CC2D2B: variants seen among roughly 807,000 people sequenced by gnomAD.
CC2D2B encodes coiled-coil and C2 domain containing 2B, also known as protein CC2D2B.
In CC2D2B, 128 loss-of-function variants were observed where a neutral mutation model predicts 161.2. The ratio of observed to expected loss-of-function variants is 0.79; its 90% CI spans 0.69 to 0.92. The LOEUF is 0.92. CC2D2B is among the 40% of genes least tolerant of loss of function. The pLI is 0.00. For missense variants in CC2D2B, 1,173 were observed against 1,375.1 expected, an observed-to-expected ratio of 0.85 and a Z score of 2.32; for synonymous variants, 391 against 449.8, an observed-to-expected ratio of 0.87 and a Z score of 1.65.
In CC2D2B at chr10:96,032,073, GTAC is replaced by G; in HGVS notation, c.*66_*68del. ...TCTAGTACCAACAAAAACTTTTCTG[GTAC>G]CTTGAGATTTTGCTGTTTATTCTCA... On this transcript the variant is annotated 3_prime_UTR_variant, in exon 35 of 35. Coordinates refer to ENST00000646931, the MANE Select transcript of CC2D2B (RefSeq NM_001349008.3). The G allele has an allele frequency of 7.9e-7, 1 of 1,265,234 alleles. No individual in the cohort carries two copies. Among genetic ancestry groups the G allele is most frequent in the Middle Eastern group, 2.6e-4 (1 of 3,828 alleles). The allele number at this position is 1,265,234 out of a possible 1,614,324, so 78.4% of individuals were successfully genotyped here. A position where few individuals can be genotyped will look rare whatever the true frequency, so the allele number is the denominator to read the frequency against.
rs754042323 is a variant in CC2D2B at position 96,004,269 on chromosome 10, T to C, written c.2946+21T>C. The C allele has an allele frequency of 1.3e-5, 15 of 1,198,730 alleles. No homozygotes were observed. In the African/African-American group the frequency reaches 1.3e-4, roughly 10 times the overall value. The allele number at this position is 1,198,730 out of a possible 1,614,324, so 74.3% of individuals were successfully genotyped here. A position where few individuals can be genotyped will look rare whatever the true frequency, so the allele number is the denominator to read the frequency against. On this transcript the variant is annotated intron_variant, in intron 25 of 34. Coordinates refer to ENST00000646931, the MANE Select transcript of CC2D2B (RefSeq NM_001349008.3). ...ATGAGGTAAAGTAGAATAATTACAA[T>C]AGCCAATGCTGAAATAATTCTAAGG...
chr10:95,956,585 G>T (rs761897537), intron 11 of CC2D2B, among the ~76,000 whole-genome samples: 1 of 152,040 alleles, frequency 6.6e-6, no homozygotes, highest in East Asian at 1.9e-4. Context: ...AGAAGAAGAA[G>T]CACTAGGAAT....
At chr10:95,983,334 C>T (rs2077600057) in intron 18 of CC2D2B, among the ~76,000 whole-genome samples, 1 of 152,206 alleles carries the variant, frequency 6.6e-6, no homozygotes, top group Non-Finnish European at 1.5e-5. Flanking sequence ...TAGGAACAGT[C>T]TCATCTGCCC....
At chr10:95,927,185 C>A in intron 5 of CC2D2B, 52 bp from the exon 6 acceptor site, 2 of 1,023,392 alleles carry the variant, frequency 2.0e-6, no homozygotes, top group Admixed American at 2.2e-5. Flanking sequence ...ATTTCCTTTA[C>A]TTATAAGCAG....
intron 9 of CC2D2B, among the ~76,000 whole-genome samples, chr10:95,942,819 T>G (rs1475002839): frequency 6.6e-6 from 1 of 152,134 alleles, no homozygotes; most frequent in African/African-American, 2.4e-5. Context: ...TTATAGAAAC[T>G]TTGATGGATT....
At chr10:95,928,342 C>T (rs1300694393) in intron 6 of CC2D2B, among the ~76,000 whole-genome samples, 2 of 152,112 alleles carry the variant, frequency 1.3e-5, no homozygotes, top group Non-Finnish European at 2.9e-5. Context: ...TCCCACTGCC[C>T]TAAGATAGTC....
chr10:96,005,212 AAAGTG>A (rs1359369797), intron 25 of CC2D2B, among the ~76,000 whole-genome samples: 1 of 152,216 alleles, frequency 6.6e-6, no homozygotes, highest in Non-Finnish European at 1.5e-5. Context: ...TTTTCTCTCA[AAAGTG>A]AATTATCTCA....
At position 96,016,262 on chromosome 10, in the gene CC2D2B, T is replaced by G. The variant is rs754309385; in HGVS notation, c.3578T>G (p.Phe1193Cys). Residue 1193 changes from phenylalanine to cysteine, a missense_variant, in exon 30 of 35, where the codon TTT (phenylalanine) becomes TGT (cysteine). Physicochemically the swap from Phe to Cys is radical, Grantham distance 205. Transcript: ENST00000646931. The part of the protein sequence containing the change: ...EEHAILLCNF[F>C]LYFGKKALVL... ...CATGCCATCCTTCTCTGTAATTTCT[T>G]TCTGTATTTTGGAAAGAAGGCACTG... 7 of 1,613,436 alleles carry G rather than the reference T, an allele frequency of 4.3e-6. No individual in the cohort carries two copies. The highest frequency in any genetic ancestry group is 5.9e-6 in the Non-Finnish European group (7 of 1,179,722).
chr10:96,015,299 A>C (rs2079149262), intron 29 of CC2D2B, among the ~76,000 whole-genome samples: 1 of 137,926 alleles, frequency 7.3e-6, no homozygotes, highest in South Asian at 2.3e-4. Context: ...GGATGGTCTC[A>C]ATCTCCTGAC....
chr10:95,908,666 T>C (rs977213403), intron 1 of CC2D2B, among the ~76,000 whole-genome samples: 47 of 151,988 alleles, frequency 3.1e-4, no homozygotes, highest in African/African-American at 1.1e-3. Flanking sequence ...GGAAGTGATG[T>C]GAGAGTTTTT....
intron 2 of CC2D2B, among the ~76,000 whole-genome samples, chr10:95,917,642 T>A (rs2098518884): frequency 6.6e-6 from 1 of 151,978 alleles, no homozygotes; most frequent in Admixed American, 6.6e-5. Context: ...ACAACTGAAC[T>A]CTTATTGCAA....
chr10:95,989,082 C>A (rs2141649894), intron 20 of CC2D2B, among the ~76,000 whole-genome samples: 1 of 152,260 alleles, frequency 6.6e-6, no homozygotes, highest in East Asian at 1.9e-4. Context: ...TGCAGCCTTG[C>A]AGGGTAATTT....
At chr10:96,015,468 T>TG (rs1430519704) in intron 29 of CC2D2B, among the ~76,000 whole-genome samples, 1 of 102,622 alleles carries the variant, frequency 9.7e-6, no homozygotes, top group African/African-American at 3.5e-5. Flanking sequence ...AGTTTGTTTT[T>TG]GTTTTTTTTT....
intron 1 of CC2D2B, among the ~76,000 whole-genome samples, chr10:95,909,777 G>A (rs2098502775): frequency 6.6e-6 from 1 of 152,308 alleles, no homozygotes; most frequent in South Asian, 2.1e-4. Context: ...TAACCAAGGT[G>A]ACTGAAAATT....
At position 96,031,803 on chromosome 10, in the gene CC2D2B, T is replaced by G. The variant is rs1264695299; in HGVS notation, c.4126-17T>G. On this transcript the variant is annotated splice_polypyrimidine_tract_variant and intron_variant, in intron 34 of 34. Transcript: ENST00000646931. The stretch of plus-strand genomic sequence containing the variant: ...AGTTGTAATGTGGGTTTATGTGCTG[T>G]TCTGTCTTTGATCCAGGTCACGGGA... The G allele has an allele frequency of 6.2e-7, 1 of 1,607,498 alleles. No individual in the cohort carries two copies. The highest frequency in any genetic ancestry group is 1.7e-5 in the Admixed American group (1 of 59,898).
intron 12 of CC2D2B, among the ~76,000 whole-genome samples, chr10:95,964,493 T>C (rs983675884): frequency 8.5e-5 from 13 of 152,170 alleles, no homozygotes; most frequent in Non-Finnish European, 5.9e-5. Flanking sequence ...TGATGTCGTA[T>C]TGATTGCCCT....
chr10:95,944,495 C>G (rs1255708887), intron 9 of CC2D2B, among the ~76,000 whole-genome samples: 1 of 152,090 alleles, frequency 6.6e-6, no homozygotes, highest in Non-Finnish European at 1.5e-5. Context: ...TTTATAGTGA[C>G]AATGCATTTT....
In CC2D2B at chr10:95,996,155, C is replaced by A. The variant is rs1307153305; in HGVS notation, c.2752C>A (p.Pro918Thr). ...TTATGTGTTTCAGGATACTGTACAT[C>A]CATTCGTGGAAGTTTCTTTCCAGCA... ...DETLHEDTVH[P>T]FVEVSFQHTV... The change falls in exon 24 of 35, where the codon CCA (proline) becomes ACA (threonine). Residue 918 changes from proline (P) to threonine (T), a missense_variant. By Grantham distance (38) the Pro-to-Thr change is conservative. This residue lies in a region of CC2D2B where 598 missense variants were observed against 693.2 expected (regional missense o/e 0.86). Coordinates refer to ENST00000646931, the MANE Select transcript of CC2D2B (RefSeq NM_001349008.3). The A allele has an allele frequency of 6.8e-6, 10 of 1,471,274 alleles. No homozygotes were observed. In the East Asian group the frequency reaches 2.0e-4, roughly 29 times the overall value. The allele number at this position is 1,471,274 out of a possible 1,614,324, so 91.1% of individuals were successfully genotyped here.
intron 12 of CC2D2B, among the ~76,000 whole-genome samples, chr10:95,964,839 T>C (rs2076886227): frequency 6.6e-6 from 1 of 152,168 alleles, no homozygotes; most frequent in Non-Finnish European, 1.5e-5. Flanking sequence ...AGTCTCCAGT[T>C]CAGTGGTTTT....
Sources: gnomAD v4.1 joint callset for allele counts (sites outside exome capture counted in the v4.1 genomes callset) on GRCh38, gnomAD v4.1.1 for gene constraint, gnomAD v4.1.1 regional missense constraint, MANE v1.5 for transcripts, NCBI Gene and HGNC (gene_info 2026-07-23, HGNC 2026-07-21) for gene names.